The following OR1L8 variants were observed in gnomAD, a reference collection of about 807,000 sequenced individuals.
OR1L8 encodes olfactory receptor family 1 subfamily L member 8.
For missense variants in OR1L8, 330 were observed against 377.4 expected, an observed-to-expected ratio of 0.87 and a Z score of 1.04; for synonymous variants, 148 against 147.0, an observed-to-expected ratio of 1.01 and a Z score of -0.05.
the OR1L8 span, among the ~76,000 whole-genome samples, chr9:122,547,074 AT>A: frequency 2.3e-4 from 35 of 151,858 alleles, no homozygotes; most frequent in African/African-American, 6.8e-4. Flanking sequence ...ATCAAAAATA[AT>A]TTTTTTAAAA....
intron 4 of OR1L8, among the ~76,000 whole-genome samples, chr9:122,570,938 TAGAG>T (rs1829536247): frequency 2.6e-5 from 4 of 152,294 alleles, no homozygotes; most frequent in Admixed American, 1.3e-4. Flanking sequence ...ACAGGAGGCT[TAGAG>T]AGGTGAAGTG....
Position 122,568,271 on chromosome 9 carries a change from G to A in OR1L8, c.207C>T (p.Leu69=). 6.2e-7 allele frequency: 1 copy of A among 1,614,052 alleles called. No homozygotes were observed. Among genetic ancestry groups the A allele is most frequent in the South Asian group, 1.1e-5 (1 of 91,062 alleles). Reference sequence around the variant, plus strand: ...CGCTTGTTGTAAAGCAAATATCAGTGAGAGACAGAAAACTCAAGAAGAAAT... The same window carrying A: ...CGCTTGTTGTAAAGCAAATATCAGTAAGAGACAGAAAACTCAAGAAGAAAT... ...PMYFFLSFLS[L]TDICFTTSVV... Residue 69 remains leucine, a synonymous_variant, in exon 5 of 5, where the codon CTC becomes CTT. Coordinates refer to ENST00000641027, the MANE Select transcript of OR1L8 (RefSeq NM_001004454.2).
chr9:122,566,155 A>G (rs1317924544), downstream of OR1L8, among the ~76,000 whole-genome samples: 1 of 152,256 alleles, frequency 6.6e-6, no homozygotes, highest in Non-Finnish European at 1.5e-5. Context: ...GCTGCATCCT[A>G]TCAAATTATC....
At chr9:122,571,543 G>A (rs1829549134) in intron 4 of OR1L8, among the ~76,000 whole-genome samples, 2 of 78,868 alleles carry the variant, frequency 2.5e-5, no homozygotes, top group South Asian at 5.6e-4. Flanking sequence ...GAGCCAGACT[G>A]TCTCAAAAAA....
intron 4 of OR1L8, among the ~76,000 whole-genome samples, chr9:122,570,837 T>C (rs529581661): frequency 3.9e-5 from 6 of 152,294 alleles, no homozygotes; most frequent in Admixed American, 2.0e-4. Flanking sequence ...TTATTGAAAA[T>C]GTATTAGTAT....
At chr9:122,564,064 A>G (rs1380679471), downstream of OR1L8, among the ~76,000 whole-genome samples, 6 of 152,130 alleles carry the variant, frequency 3.9e-5, no homozygotes, top group African/African-American at 1.4e-4. Context: ...TCCCAAGGTA[A>G]CTGTGCATTG....
At chr9:122,565,417 G>A (rs1047058901), downstream of OR1L8, among the ~76,000 whole-genome samples, 2 of 152,168 alleles carry the variant, frequency 1.3e-5, no homozygotes, top group Non-Finnish European at 2.9e-5. Context: ...CACTGTCATC[G>A]CCCAATGGGC....
chr9:122,559,639 A>G, the OR1L8 span, among the ~76,000 whole-genome samples: 88,253 of 151,912 alleles, frequency 0.58, 26,141 homozygotes, highest in East Asian at 0.97. Flanking sequence ...GTGTTTTTGA[A>G]TGTTTTTTAA....
intron 4 of OR1L8, among the ~76,000 whole-genome samples, chr9:122,569,254 C>G (rs1829496557): frequency 6.6e-6 from 1 of 152,080 alleles, no homozygotes; most frequent in African/African-American, 2.4e-5. Flanking sequence ...CTTTAATTCT[C>G]TGTCCTAAAT....
intron 1 of OR1L8, among the ~76,000 whole-genome samples, chr9:122,582,409 TTA>T (rs1564204977): frequency 6.6e-6 from 1 of 152,150 alleles, no homozygotes; most frequent in African/African-American, 2.4e-5. Context: ...GTTCCAAAAT[TTA>T]TGAGTTTAAA....
At chr9:122,565,083 C>CAG (rs1322246232), downstream of OR1L8, among the ~76,000 whole-genome samples, 1 of 152,166 alleles carries the variant, frequency 6.6e-6, no homozygotes. Context: ...GAGACCTGTC[C>CAG]AGATAGCCCT....
At chr9:122,569,250 TTC>T (rs1459221714) in intron 4 of OR1L8, among the ~76,000 whole-genome samples, 2 of 152,230 alleles carry the variant, frequency 1.3e-5, no homozygotes, top group Non-Finnish European at 2.9e-5. Flanking sequence ...CCTTCTTTAA[TTC>T]TCTGTCCTAA....
rs1829577428 is a variant in OR1L8 at position 122,572,828 on chromosome 9, A to T, written c.-261T>A. ...TGCTTCCATGTGTCTCAAGAAGTGG[A>T]TCTTCTGCACATCTGTGATTTCCAA... On this transcript the variant is annotated 5_prime_UTR_variant, in exon 4 of 5. Coordinates refer to ENST00000641027, the MANE Select transcript of OR1L8 (RefSeq NM_001004454.2). 2 of 152,210 alleles carry T rather than the reference A, an allele frequency of 1.3e-5. No individual in the cohort carries two copies. Among genetic ancestry groups the T allele is most frequent in the South Asian group, 4.1e-4 (2 of 4,830 alleles). 9.4% of individuals were successfully genotyped at this position (152,210 alleles called of 1,614,324 possible).
At chr9:122,551,851 T>C in the OR1L8 span, among the ~76,000 whole-genome samples, 1 of 152,116 alleles carries the variant, frequency 6.6e-6, no homozygotes, top group Non-Finnish European at 1.5e-5. Context: ...AATCGAGCCA[T>C]ACACTTCAGG....
the OR1L8 span, among the ~76,000 whole-genome samples, chr9:122,556,729 A>G: frequency 7.5e-4 from 114 of 152,298 alleles, no homozygotes; most frequent in African/African-American, 2.6e-3. Flanking sequence ...TTGTTCTTCC[A>G]TAATGTGTTA....
At chr9:122,564,860 G>T (rs1229369924), downstream of OR1L8, among the ~76,000 whole-genome samples, 1 of 152,184 alleles carries the variant, frequency 6.6e-6, no homozygotes, top group Non-Finnish European at 1.5e-5. Flanking sequence ...CAATTCTGCA[G>T]CCCCATGTCA....
At chr9:122,578,071 G>A (rs1485929844) in intron 2 of OR1L8, among the ~76,000 whole-genome samples, 1 of 152,192 alleles carries the variant, frequency 6.6e-6, no homozygotes, top group Non-Finnish European at 1.5e-5. Context: ...ATGGAAAACA[G>A]TGTGGAGATT....
intron 1 of OR1L8, among the ~76,000 whole-genome samples, chr9:122,582,164 A>G (rs1261286289): frequency 3.3e-5 from 5 of 152,148 alleles, no homozygotes; most frequent in African/African-American, 1.2e-4. Flanking sequence ...TTTTGACTTA[A>G]CCATATTTTT....
chr9:122,560,160 T>G, the OR1L8 span, among the ~76,000 whole-genome samples: 1 of 152,318 alleles, frequency 6.6e-6, no homozygotes, highest in Admixed American at 6.5e-5. Context: ...CCCCTCTTTT[T>G]TTTTGCTTTC....
Sources: allele counts gnomAD v4.1 joint callset (sites outside exome capture counted in the v4.1 genomes callset), GRCh38; gene constraint gnomAD v4.1.1; transcripts MANE v1.5; gene names NCBI Gene and HGNC (gene_info 2026-07-23, HGNC 2026-07-21).